Variants in LCP2 observed in about 807,000 individuals in gnomAD.
The protein encoded by LCP2 is lymphocyte cytosolic protein 2, also known as 76 kDa tyrosine phosphoprotein.
Under a neutral mutation model 74.5 loss-of-function variants are expected in LCP2, and 29 were observed. The ratio of observed to expected loss-of-function variants is 0.39; its 90% CI spans 0.29 to 0.53. The LOEUF (loss-of-function observed/expected upper bound fraction) is 0.53, where lower values mean the gene tolerates loss of function less well. Ranked by LOEUF, LCP2 falls within the 20% of genes least tolerant of loss-of-function variation. The probability of loss-of-function intolerance (pLI) is 0.72; values close to 1 mark genes in which losing one functional copy is unlikely to be tolerated. For missense variants in LCP2, 604 were observed against 634.6 expected, an observed-to-expected ratio of 0.95 and a Z score of 0.52; for synonymous variants, 228 against 229.5, an observed-to-expected ratio of 0.99 and a Z score of 0.06.
intron 20 of LCP2, among the ~76,000 whole-genome samples, chr5:170,249,968 C>G (rs1459667473): frequency 6.6e-6 from 1 of 152,218 alleles, no homozygotes; most frequent in African/African-American, 2.4e-5. Context: ...CCACTGCCAA[C>G]CAGCGATTCA....
At chr5:170,272,448 A>ATTTC (rs1442486147) in intron 6 of LCP2, among the ~76,000 whole-genome samples, 1 of 152,138 alleles carries the variant, frequency 6.6e-6, no homozygotes, top group African/African-American at 2.4e-5. Context: ...AACTTGGGCT[A>ATTTC]TTTCTTGTAA....
Position 170,248,742 on chromosome 5 carries a change from A to T in LCP2, c.1557T>A (p.Gly519=). The T allele has an allele frequency of 2.5e-6, 4 of 1,609,444 alleles. No homozygotes were observed. Among genetic ancestry groups the T allele is most frequent in the Non-Finnish European group, 3.4e-6 (4 of 1,178,286 alleles). ...GCGTTAATGTGCACTGGTATCTGGA[A>T]CCTCGGTTTTTCCCATCAATGAGCA... is the stretch of plus-strand genomic sequence containing the variant. ...PLLLIDGKNR[G]SRYQCTLTHA... Residue 519 remains glycine (G), a synonymous_variant, in exon 21 of 21, where the codon GGT becomes GGA. Transcript: ENST00000046794.
chr5:170,279,951 G>A (rs1762072285), intron 3 of LCP2, among the ~76,000 whole-genome samples: 1 of 152,054 alleles, frequency 6.6e-6, no homozygotes, highest in African/African-American at 2.4e-5. Context: ...TGCCAGGCAG[G>A]TGGAAAAGGA....
intron 10 of LCP2, among the ~76,000 whole-genome samples, chr5:170,264,679 A>T (rs1377664240): frequency 6.6e-6 from 1 of 152,100 alleles, no homozygotes; most frequent in African/African-American, 2.4e-5. Context: ...TGCACCTGTA[A>T]CCTCAGCCCC....
At chr5:170,285,652 T>C (rs560967454) in intron 3 of LCP2, among the ~76,000 whole-genome samples, 1 of 151,842 alleles carries the variant, frequency 6.6e-6, no homozygotes, top group Non-Finnish European at 1.5e-5. Flanking sequence ...CGAATGACTA[T>C]GTTTTCCAGC....
intron 12 of LCP2, 30 bp downstream of exon 12, chr5:170,262,812 T>G (rs748643603): frequency 6.2e-7 from 1 of 1,613,886 alleles, no homozygotes; most frequent in African/African-American, 1.3e-5. Context: ...GAACGTCCCA[T>G]GTACCCTCAT....
chr5:170,250,757 C>T lies in LCP2; in HGVS notation c.1452G>A (p.Leu484=), dbSNP rs754665101. Residue 484 remains leucine, a synonymous_variant, in exon 20 of 21, where the codon TTG becomes TTA. Transcript: ENST00000046794. The part of the protein sequence containing the change: ...IRYQKESQVY[L]LGTGLRGKED... ...CTTTCCCTCGGAGTCCAGTTCCCAA[C>T]AAGTAAACTTGACTTTCCTTCTGAT... 1.2e-6 allele frequency: 2 copies of T among 1,613,504 alleles called. No individual in the cohort carries two copies. Among genetic ancestry groups the T allele is most frequent in the Non-Finnish European group, 1.7e-6 (2 of 1,179,458 alleles).
intron 4 of LCP2, 68 bp downstream of exon 4, chr5:170,275,727 G>T: frequency 7.7e-7 from 1 of 1,303,930 alleles, no homozygotes. Context: ...AAACAGTTCT[G>T]TGCCTCCCTT....
chr5:170,267,725 T>C (rs1156545815), intron 8 of LCP2, among the ~76,000 whole-genome samples: 2 of 152,160 alleles, frequency 1.3e-5, no homozygotes, highest in East Asian at 3.9e-4. Context: ...ATTTATCTTG[T>C]TCACACTTTA....
intron 10 of LCP2, among the ~76,000 whole-genome samples, chr5:170,264,134 C>CA (rs1407926452): frequency 6.6e-6 from 1 of 152,182 alleles, no homozygotes; most frequent in African/African-American, 2.4e-5. Context: ...CAAAACTTGC[C>CA]AGCCCCCAGA....
chr5:170,252,293 C>G (rs1161690930), intron 19 of LCP2, 141 bp downstream of exon 19: 1 of 468,892 alleles, frequency 2.1e-6, no homozygotes, highest in African/African-American at 2.0e-5. Flanking sequence ...GTGAAGCTGG[C>G]ACTAATGGGT....
chr5:170,261,464 T>TACAC lies in LCP2; in HGVS notation c.927-331_927-328dup, dbSNP rs1554139959. ...TATGTACACACACACTATATGTATATACACACACACACACACACACATGTG... is the reference window on the plus strand; with the variant it reads ...TATGTACACACACACTATATGTATATACACACACACACACACACACACACATGTG... On this transcript the variant is annotated intron_variant, in intron 13 of 20. Transcript: ENST00000046794. Among the ~76,000 whole-genome samples, 6 of 44,260 alleles carry TACAC rather than the reference T, an allele frequency of 1.4e-4. 1 individual carries two copies. The South Asian group carries it at 2.9e-3, about 21-fold the overall frequency. 29.0% of individuals were successfully genotyped at this position (44,260 alleles called of 152,430 possible).
At chr5:170,277,284 C>A (rs1230229690) in intron 3 of LCP2, among the ~76,000 whole-genome samples, 1 of 152,068 alleles carries the variant, frequency 6.6e-6, no homozygotes, top group Non-Finnish European at 1.5e-5. Context: ...CCCTGGCCTG[C>A]CTATGAGAAC....
intron 1 of LCP2, among the ~76,000 whole-genome samples, chr5:170,294,286 CT>C (rs1444102280): frequency 6.6e-6 from 1 of 152,174 alleles, no homozygotes; most frequent in Non-Finnish European, 1.5e-5. Flanking sequence ...ATTTTGCGAA[CT>C]TTTTTCTCCC....
At chr5:170,249,362 G>GTATATATATATATATA (rs72371153) in intron 20 of LCP2, among the ~76,000 whole-genome samples, 27 of 108,128 alleles carry the variant, frequency 2.5e-4, no homozygotes, top group African/African-American at 7.4e-4. Context: ...GCATGCGTGT[G>GTATATATATATATATA]TATATATATA....
chr5:170,281,243 G>T (rs939565641), intron 3 of LCP2, among the ~76,000 whole-genome samples: 1 of 152,032 alleles, frequency 6.6e-6, no homozygotes, highest in Admixed American at 6.5e-5. Context: ...GGACCATGTT[G>T]GAGAGAGGCC....
At chr5:170,253,810 G>A (rs552118469) in intron 17 of LCP2, among the ~76,000 whole-genome samples, 16 of 152,192 alleles carry the variant, frequency 1.1e-4, no homozygotes, top group Non-Finnish European at 7.3e-5. Flanking sequence ...CTACAGATCA[G>A]GAAGTTTTTA....
At chr5:170,295,330 G>A (rs899352768) in intron 1 of LCP2, among the ~76,000 whole-genome samples, 1 of 152,384 alleles carries the variant, frequency 6.6e-6, no homozygotes, top group African/African-American at 2.4e-5. Flanking sequence ...CTAGGAGCCA[G>A]TTAATAGAGA....
chr5:170,275,138 G>A (rs1185421945), intron 5 of LCP2, among the ~76,000 whole-genome samples, 182 bp downstream of exon 5: 1 of 152,152 alleles, frequency 6.6e-6, no homozygotes, highest in Non-Finnish European at 1.5e-5. Flanking sequence ...CAGGTGGCCT[G>A]CAGAGCAAGA....
Sources: gnomAD v4.1 joint callset for allele counts (sites outside exome capture counted in the v4.1 genomes callset) on GRCh38, gnomAD v4.1.1 for gene constraint, MANE v1.5 for transcripts, NCBI Gene and HGNC (gene_info 2026-07-23, HGNC 2026-07-21) for gene names.